The following BARX2 variants were observed in gnomAD, a reference collection of about 807,000 sequenced individuals.
The protein encoded by BARX2 is homeobox protein BarH-like 2.
Under a neutral mutation model 25.5 loss-of-function variants are expected in BARX2, and 11 were observed. The ratio of observed to expected loss-of-function variants is 0.43; its 90% confidence interval spans 0.27 to 0.71. The LOEUF (loss-of-function observed/expected upper bound fraction) is 0.71. BARX2 is among the 30% of genes least tolerant of loss of function. The pLI, the probability that BARX2 is intolerant of heterozygous loss-of-function variation, is 0.19. For missense variants in BARX2, 360 were observed against 359.9 expected (o/e 1.00, Z 0.00); for synonymous variants, 137 against 149.5 (o/e 0.92, Z 0.61).
intron 1 of BARX2, among the ~76,000 whole-genome samples, chr11:129,386,647 T>C (rs1861618891): frequency 1.3e-5 from 2 of 152,364 alleles, no homozygotes; most frequent in South Asian, 4.1e-4. Context: ...TACTCCCTAA[T>C]GACAACCATA....
intron 1 of BARX2, among the ~76,000 whole-genome samples, chr11:129,382,206 T>A (rs1861572249): frequency 6.6e-6 from 1 of 152,126 alleles, no homozygotes; most frequent in African/African-American, 2.4e-5. Context: ...TGAAACAGGA[T>A]CTTGGTCTGT....
rs1406323661 is a variant in BARX2, at chr11:129,437,019, C to T, written c.456C>T (p.Phe152=). The change falls in exon 2 of 4, where the codon TTC becomes TTT. Residue 152 remains phenylalanine, a synonymous_variant. Transcript: ENST00000281437. ...AGCTCATGGGCCTGGAGAAGAAATTCCAGAAGCAGAAGTATTTGTCAACCC... is the reference window on the plus strand; with the variant it reads ...AGCTCATGGGCCTGGAGAAGAAATTTCAGAAGCAGAAGTATTTGTCAACCC... ...ELQLMGLEKK[F]QKQKYLSTPD... The T allele has an allele frequency of 3.8e-6, 6 of 1,591,136 alleles. No individual in the cohort carries two copies. The highest frequency in any genetic ancestry group is 4.3e-6 in the Non-Finnish European group (5 of 1,165,408).
chr11:129,398,594 G>A (rs1175743141), intron 1 of BARX2, among the ~76,000 whole-genome samples: 1 of 152,174 alleles, frequency 6.6e-6, no homozygotes. Context: ...CACAGTTCAT[G>A]GCAAAGCATT....
chr11:129,402,003 A>G (rs964305608), intron 1 of BARX2, among the ~76,000 whole-genome samples: 3 of 146,406 alleles, frequency 2.0e-5, no homozygotes, highest in African/African-American at 7.9e-5. Flanking sequence ...CTTCCAGAAC[A>G]TGTGGTTGAC....
chr11:129,442,748 A>G (rs750417733), intron 2 of BARX2, 87 bp from the exon 3 acceptor site: 1 of 1,178,454 alleles, frequency 8.5e-7, no homozygotes. Context: ...CCAGTGCTGG[A>G]GCCTGTCTGG....
intron 2 of BARX2, among the ~76,000 whole-genome samples, chr11:129,438,822 A>T (rs1187479395): frequency 1.3e-5 from 2 of 152,208 alleles, no homozygotes; most frequent in African/African-American, 4.8e-5. Flanking sequence ...CAGTAGGAAC[A>T]CAGGATATTG....
At chr11:129,401,837 T>C (rs1441953006) in intron 1 of BARX2, among the ~76,000 whole-genome samples, 1 of 152,032 alleles carries the variant, frequency 6.6e-6, no homozygotes, top group Non-Finnish European at 1.5e-5. Context: ...ACACCTATAA[T>C]TCCAGCTACT....
chr11:129,381,082 G>A (rs897435565), intron 1 of BARX2, among the ~76,000 whole-genome samples: 63 of 152,060 alleles, frequency 4.1e-4, no homozygotes, highest in African/African-American at 1.4e-3. Flanking sequence ...CTGTGAAGTC[G>A]GTTTTAACTC....
In BARX2 at chr11:129,385,496, A is replaced by C. The variant is rs151080185; in HGVS notation, c.187+9274A>C. The stretch of plus-strand genomic sequence containing the variant: ...ATGAACCAGATACACTTGTATTAAT[A>C]TGGATACATTTTAGGAATACAATGT... On this transcript the variant is annotated intron_variant, in intron 1 of 3. Coordinates refer to ENST00000281437, the MANE Select transcript of BARX2 (RefSeq NM_003658.5). Among the ~76,000 whole-genome samples the C allele has an allele frequency of 2.2e-3, 340 of 152,352 alleles. 2 individuals carry two copies. Among genetic ancestry groups the C allele is most frequent in the African/African-American group, 7.4e-3 (307 of 41,574 alleles).
intron 1 of BARX2, among the ~76,000 whole-genome samples, chr11:129,431,672 G>A (rs192928684): frequency 5.9e-4 from 90 of 152,170 alleles, no homozygotes; most frequent in African/African-American, 1.9e-3. Flanking sequence ...TATATATTCC[G>A]GGTAAAAATC....
chr11:129,444,000 T>C (rs1565523556), intron 3 of BARX2, among the ~76,000 whole-genome samples: 2 of 152,092 alleles, frequency 1.3e-5, no homozygotes, highest in African/African-American at 4.8e-5. Flanking sequence ...CATTCTAATT[T>C]GCTAACCTGT....
intron 1 of BARX2, among the ~76,000 whole-genome samples, chr11:129,383,307 T>C (rs1194834867): frequency 6.6e-6 from 1 of 152,224 alleles, no homozygotes; most frequent in Non-Finnish European, 1.5e-5. Flanking sequence ...CATTTTTATA[T>C]GGCAATTTAA....
intron 1 of BARX2, among the ~76,000 whole-genome samples, chr11:129,419,021 A>G (rs1194192154): frequency 6.6e-6 from 1 of 152,138 alleles, no homozygotes; most frequent in Non-Finnish European, 1.5e-5. Flanking sequence ...GTTTCCTCCC[A>G]TGTCCCAAAG....
intron 3 of BARX2, among the ~76,000 whole-genome samples, chr11:129,447,212 A>C (rs2135417547): frequency 6.6e-6 from 1 of 152,250 alleles, no homozygotes; most frequent in South Asian, 2.1e-4. Context: ...TCCTGCACTG[A>C]CATTCCCTGC....
intron 1 of BARX2, among the ~76,000 whole-genome samples, chr11:129,425,280 T>G (rs1453864552): frequency 6.6e-6 from 1 of 152,198 alleles, no homozygotes; most frequent in Non-Finnish European, 1.5e-5. Flanking sequence ...AACTCCTAAT[T>G]CAAGGTTTGA....
rs115920883 is a variant in BARX2 at position 129,430,996 on chromosome 11, G to A, written c.188-5755G>A. 8.2e-3 allele frequency among the ~76,000 whole-genome samples: 1,243 copies of A among 152,226 alleles called. 15 individuals are homozygous for A. The highest frequency in any genetic ancestry group is 0.027 in the African/African-American group (1,118 of 41,526). ...CATGCCACAGCCTCCTAAGTAGCTC[G>A]TATTATAAGCACGCACCACCACGCC... On this transcript the variant is annotated intron_variant, in intron 1 of 3. Transcript: ENST00000281437.
At chr11:129,405,405 G>T (rs1158090144) in intron 1 of BARX2, among the ~76,000 whole-genome samples, 1 of 152,096 alleles carries the variant, frequency 6.6e-6, no homozygotes, top group African/African-American at 2.4e-5. Flanking sequence ...ATCCCCATTT[G>T]TCCCCTCACA....
intron 1 of BARX2, among the ~76,000 whole-genome samples, chr11:129,422,059 C>T (rs1184781847): frequency 1.3e-5 from 2 of 152,026 alleles, no homozygotes; most frequent in African/African-American, 2.4e-5. Context: ...TTTTTCCTCC[C>T]CTTAGAGATG....
chr11:129,379,847 G>A (rs570013798), intron 1 of BARX2, among the ~76,000 whole-genome samples: 50 of 152,100 alleles, frequency 3.3e-4, no homozygotes, highest in Middle Eastern at 3.4e-3. Flanking sequence ...ATGCACATTT[G>A]TGGGGAGGTG....
Sources: gnomAD v4.1 joint callset for allele counts (sites outside exome capture counted in the v4.1 genomes callset) on GRCh38, gnomAD v4.1.1 for gene constraint, MANE v1.5 for transcripts, NCBI Gene and HGNC (gene_info 2026-07-23, HGNC 2026-07-21) for gene names.